CHD2: variants seen among roughly 807,000 people sequenced by gnomAD.
The protein encoded by CHD2 is ATP-dependent chromatin remodeler CHD2.
In CHD2, 28 loss-of-function variants were observed where a neutral mutation model predicts 243.9. That is an observed-to-expected ratio of 0.11 (90% CI 0.09 to 0.16). The LOEUF is 0.16. CHD2 is among the 10% of genes least tolerant of loss of function. The probability of loss-of-function intolerance (pLI) is 1.00; values close to 1 mark genes in which losing one functional copy is unlikely to be tolerated. For missense variants in CHD2, 1,386 were observed against 2,209.8 expected (o/e 0.63, Z 7.47); for synonymous variants, 775 against 779.0 (o/e 0.99, Z 0.09).
At chr15:92,910,437 G>A (rs1249182205) in intron 2 of CHD2, among the ~76,000 whole-genome samples, 1 of 152,052 alleles carries the variant, frequency 6.6e-6, no homozygotes, top group Admixed American at 6.5e-5. Flanking sequence ...GTGTTGCCTA[G>A]GTTGGAGTGC....
At chr15:93,013,302 TCCGGAAAGG>T (rs71853607) in intron 36 of CHD2, among the ~76,000 whole-genome samples, 29,424 of 151,914 alleles carry the variant, frequency 0.19, 3,446 homozygotes, top group East Asian at 0.59. Flanking sequence ...AAATGGATAG[TCCGGAAAGG>T]CCCCAGGAGG....
intron 11 of CHD2, 83 bp downstream of exon 11, chr15:92,945,948 G>A (rs2141795210): frequency 1.4e-6 from 2 of 1,451,628 alleles, no homozygotes; most frequent in Non-Finnish European, 1.9e-6. Flanking sequence ...TTTGCCACAT[G>A]ATGTTTTATT....
At chr15:92,942,719 T>A in intron 8 of CHD2, 124 bp from the exon 9 acceptor site, 1 of 655,636 alleles carries the variant, frequency 1.5e-6, no homozygotes, top group Non-Finnish European at 2.5e-6. Context: ...TTTGTACTTA[T>A]TTCAAGTTGA....
At chr15:92,913,392 A>G (rs1307917017) in intron 2 of CHD2, among the ~76,000 whole-genome samples, 1 of 152,194 alleles carries the variant, frequency 6.6e-6, no homozygotes, top group Non-Finnish European at 1.5e-5. Context: ...GTCTTTAACT[A>G]GTGGCAGGTT....
At chr15:92,985,462 C>G in intron 25 of CHD2, 36 bp from the exon 26 acceptor site, 1 of 1,573,080 alleles carries the variant, frequency 6.4e-7, no homozygotes, top group Non-Finnish European at 8.6e-7. Context: ...GAACTTCGCA[C>G]TTGTTACAGT....
intron 20 of CHD2, among the ~76,000 whole-genome samples, chr15:92,976,748 A>G (rs1226696375): frequency 6.6e-6 from 1 of 151,916 alleles, no homozygotes; most frequent in Middle Eastern, 3.2e-3. Flanking sequence ...AAAAAATTAA[A>G]AAATGAGCCG....
chr15:92,916,613 GTGCAACCTCAGTTCAC>G (rs1486468613), intron 2 of CHD2, among the ~76,000 whole-genome samples: 3 of 152,100 alleles, frequency 2.0e-5, no homozygotes, highest in African/African-American at 7.2e-5. Context: ...GAGTGCAATG[GTGCAACCTCAGTTCAC>G]TGCAACCTCC....
At chr15:92,965,621 T>G (rs926141717) in intron 16 of CHD2, among the ~76,000 whole-genome samples, 2 of 146,716 alleles carry the variant, frequency 1.4e-5, no homozygotes, top group African/African-American at 5.0e-5. Flanking sequence ...ATGGTAAATA[T>G]TTTTGGTTCA....
At chr15:92,946,492 A>G in intron 12 of CHD2, 1 of 216,260 alleles carries the variant, frequency 4.6e-6, no homozygotes, top group Admixed American at 5.6e-5. Context: ...ATTTTATTTT[A>G]TTATTTTATT....
At chr15:92,933,848 C>T (rs1386425389) in intron 5 of CHD2, among the ~76,000 whole-genome samples, 3 of 152,224 alleles carry the variant, frequency 2.0e-5, no homozygotes, top group African/African-American at 7.2e-5. Flanking sequence ...TCAAGCCATC[C>T]TCCCACCATG....
chr15:92,937,444 A>G, intron 5 of CHD2, 74 bp from the exon 6 acceptor site: 1 of 1,095,034 alleles, frequency 9.1e-7, no homozygotes, highest in Non-Finnish European at 1.3e-6. Context: ...TAAAATTGAA[A>G]TTGGTTTTGT....
intron 2 of CHD2, among the ~76,000 whole-genome samples, chr15:92,916,323 GAT>G (rs2052834899): frequency 2.0e-5 from 3 of 152,212 alleles, no homozygotes. Flanking sequence ...CTCTGTTTCA[GAT>G]ACTTTTGGGC....
chr15:93,018,169 T>A (rs1305541010), intron 37 of CHD2, among the ~76,000 whole-genome samples: 3 of 152,242 alleles, frequency 2.0e-5, no homozygotes, highest in African/African-American at 7.2e-5. Flanking sequence ...TTCCATTTGA[T>A]ATGAAGCCAT....
intron 16 of CHD2, among the ~76,000 whole-genome samples, chr15:92,959,758 C>G (rs1335389946): frequency 2.0e-5 from 3 of 152,198 alleles, no homozygotes; most frequent in African/African-American, 7.2e-5. Flanking sequence ...TCCCAAAGTA[C>G]TGGTATTATA....
chr15:92,943,837 A>G (rs1596397157), intron 9 of CHD2: 2 of 152,372 alleles, frequency 1.3e-5, no homozygotes, highest in African/African-American at 4.8e-5. Flanking sequence ...ACTGTGCAAA[A>G]TGTGCTACTT....
At chr15:92,941,593 A>G (rs1286171944) in intron 7 of CHD2, among the ~76,000 whole-genome samples, 1 of 152,150 alleles carries the variant, frequency 6.6e-6, no homozygotes, top group Non-Finnish European at 1.5e-5. Flanking sequence ...GTATAAATAT[A>G]GAATTTTTAT....
Position 92,960,160 on chromosome 15 carries a change from A to G in CHD2, c.2000+3511A>G, listed in dbSNP as rs76521988. 8.8e-3 allele frequency among the ~76,000 whole-genome samples: 1,343 copies of G among 152,246 alleles called. 55 individuals are homozygous for G. The highest frequency in any genetic ancestry group is 0.07 in the Admixed American group (1,064 of 15,282). On this transcript the variant is annotated intron_variant, in intron 16 of 38. Coordinates refer to ENST00000394196, the MANE Select transcript of CHD2 (RefSeq NM_001271.4). The stretch of plus-strand genomic sequence containing the variant: ...AAATATAACCTATTATAGAACTACA[A>G]TTGGGTTTTGTATATTGATCTTACA...
intron 2 of CHD2, chr15:92,904,948 C>T (rs779987344): frequency 6.5e-7 from 1 of 1,536,054 alleles, no homozygotes; most frequent in South Asian, 1.2e-5. Context: ...AACTTGTCCC[C>T]ATGCGTTTTT....
intron 35 of CHD2, among the ~76,000 whole-genome samples, chr15:93,009,835 T>C (rs1179010220): frequency 6.6e-6 from 1 of 152,264 alleles, no homozygotes; most frequent in Non-Finnish European, 1.5e-5. Flanking sequence ...CTTCAGTGTT[T>C]AAGGCATCAT....
Sources: gnomAD v4.1 joint callset for allele counts (sites outside exome capture counted in the v4.1 genomes callset) on GRCh38, gnomAD v4.1.1 for gene constraint, MANE v1.5 for transcripts, NCBI Gene and HGNC (gene_info 2026-07-23, HGNC 2026-07-21) for gene names.